The following MMS19 variants were observed in gnomAD, a reference collection of about 807,000 sequenced individuals.
MMS19 encodes MMS19 nucleotide excision repair protein homolog.
A neutral mutation model predicts 129.8 loss-of-function variants in MMS19; 77 were observed. The observed-to-expected ratio is 0.59, with a 90% CI of 0.49 to 0.72. The LOEUF (loss-of-function observed/expected upper bound fraction) is 0.72. Among genes scored for constraint, MMS19 ranks in the 30% least tolerant of loss-of-function variants. MMS19 has a pLI of 0.00. For synonymous variants in MMS19, 491 were observed against 502.8 expected, an observed-to-expected ratio of 0.98 and a Z score of 0.31; for missense variants, 1,168 against 1,266.3, an observed-to-expected ratio of 0.92 and a Z score of 1.18.
Position 97,466,819 on chromosome 10 carries a change from C to T in MMS19, c.1380G>A (p.Gln460=), listed in dbSNP as rs2033592759. The T allele has an allele frequency of 6.2e-7, 1 of 1,614,024 alleles. No individual in the cohort carries two copies. The highest frequency in any genetic ancestry group is 8.5e-7 in the Non-Finnish European group (1 of 1,179,888). The change falls in exon 15 of 31, where the codon CAG becomes CAA. Residue 460 remains glutamine, a synonymous_variant. Coordinates refer to ENST00000438925, the MANE Select transcript of MMS19 (RefSeq NM_022362.5). The part of the protein sequence containing the change: ...MALTDPSTQL[Q]LVGIRTLTVL... ...CTGTCAGTGTACGGATGCCAACAAG[C>T]TGAAGCTGGGTGCTGGGGTCTGTTA...
chr10:97,472,527 A>C (rs946579193), intron 8 of MMS19, among the ~76,000 whole-genome samples: 4 of 152,218 alleles, frequency 2.6e-5, no homozygotes, highest in Non-Finnish European at 5.9e-5. Flanking sequence ...GGCATGAGCC[A>C]CCACGCCCAG....
At chr10:97,491,834 A>G (rs1050321961) in intron 1 of MMS19, among the ~76,000 whole-genome samples, 2 of 152,136 alleles carry the variant, frequency 1.3e-5, no homozygotes, top group Non-Finnish European at 1.5e-5. Flanking sequence ...GAATTAATGC[A>G]GCACAAACAT....
chr10:97,476,827 C>T lies in MMS19; in HGVS notation c.622+8G>A, dbSNP rs182205114. ...TCCAATGAGCTAATCATGGCTACCA[C>T]GATATACCCAGGCTATAGTCCCTGG... is the stretch of plus-strand genomic sequence containing the variant. On this transcript the variant is annotated splice_region_variant and intron_variant, in intron 7 of 30. Coordinates refer to ENST00000438925, the MANE Select transcript of MMS19 (RefSeq NM_022362.5). The T allele has an allele frequency of 4.2e-5, 67 of 1,613,952 alleles. 1 individual carries two copies. The East Asian group carries it at 1.2e-3, about 28-fold the overall frequency.
At chr10:97,484,543 G>A (rs1309733499) in intron 1 of MMS19, among the ~76,000 whole-genome samples, 6 of 151,850 alleles carry the variant, frequency 4.0e-5, no homozygotes, top group Admixed American at 1.3e-4. Context: ...TTATAATAGC[G>A]AAAAAAGAAA....
chr10:97,497,330 C>T (rs1324780906), intron 1 of MMS19, among the ~76,000 whole-genome samples: 2 of 152,156 alleles, frequency 1.3e-5, no homozygotes, highest in Non-Finnish European at 2.9e-5. Flanking sequence ...ATATTTCTAG[C>T]AGATTCACTA....
intron 12 of MMS19, 130 bp downstream of exon 12, chr10:97,468,836 T>C: frequency 1.1e-6 from 1 of 945,162 alleles, no homozygotes; most frequent in Non-Finnish European, 1.5e-6. Context: ...CTTTAACTCC[T>C]GACCTCAGGT....
chr10:97,470,737 G>A (rs2034518228), intron 9 of MMS19, 38 bp downstream of exon 9: 3 of 1,318,422 alleles, frequency 2.3e-6, no homozygotes, highest in Non-Finnish European at 3.3e-6. Flanking sequence ...AGCCATCTAT[G>A]GGCAGAGGCT....
chr10:97,480,491 T>G (rs1444105484), intron 3 of MMS19: 2 of 365,292 alleles, frequency 5.5e-6, no homozygotes, highest in Non-Finnish European at 1.1e-5. Context: ...ATTTCATTAC[T>G]TTTCATCTTT....
At chr10:97,491,621 CGCCTGG>C (rs1295358823) in intron 1 of MMS19, among the ~76,000 whole-genome samples, 3 of 151,830 alleles carry the variant, frequency 2.0e-5, no homozygotes, top group Non-Finnish European at 2.9e-5. Context: ...GCCGAAATCA[CGCCTGG>C]GCGATAGAGC....
At chr10:97,460,884 C>A in intron 24 of MMS19, 23 bp downstream of exon 24, 1 of 1,557,516 alleles carries the variant, frequency 6.4e-7, no homozygotes, top group Non-Finnish European at 8.7e-7. Context: ...TCTGGCTAAC[C>A]AGACTCCACT....
chr10:97,461,681 G>GTACA, intron 22 of MMS19, 59 bp from the exon 23 acceptor site: 1 of 1,573,862 alleles, frequency 6.4e-7, no homozygotes, highest in Non-Finnish European at 8.6e-7. Context: ...AAGAGAACCA[G>GTACA]TACATAGTGG....
At chr10:97,459,563 C>T in intron 27 of MMS19, 37 bp from the exon 28 acceptor site, 5 of 1,606,152 alleles carry the variant, frequency 3.1e-6, no homozygotes, top group Non-Finnish European at 4.3e-6. Context: ...ATGGCCACAT[C>T]ATGAAGATCC....
intron 3 of MMS19, 55 bp downstream of exon 3, chr10:97,480,887 T>C: frequency 1.0e-5 from 13 of 1,272,602 alleles, no homozygotes; most frequent in East Asian, 4.9e-5. Context: ...TGAATAGACA[T>C]GGGAGACCTG....
rs574117856 is a variant in MMS19, at chr10:97,459,382, G to T, written c.2884C>A (p.Leu962Ile). 6.2e-7 allele frequency: 1 copy of T among 1,605,518 alleles called. No homozygotes were observed. Among genetic ancestry groups the T allele is most frequent in the East Asian group, 2.2e-5 (1 of 44,518 alleles). The change falls in exon 28 of 31, where the codon CTC becomes ATC. Residue 962 changes from leucine to isoleucine, a missense_variant. This residue lies in a region of MMS19 where 831 missense variants were observed against 910.8 expected (regional missense o/e 0.91). Coordinates refer to ENST00000438925, the MANE Select transcript of MMS19 (RefSeq NM_022362.5). ...VDTLVTKFLN[L>I]SSSPSMAVRI... ...CGCACCATGGAAGGGCTAGAGCTGA[G>T]GTTCAGAAACTTGGTGACGAGGGTG...
intron 2 of MMS19, 37 bp downstream of exon 2, chr10:97,484,066 G>A: frequency 7.2e-7 from 1 of 1,388,228 alleles, no homozygotes. Context: ...TACACAGTCA[G>A]GGTTGGAGAA....
rs1446326134 is a variant in MMS19, at chr10:97,481,017, G to A, written c.187C>T (p.Arg63Ter). Reference sequence around the variant, plus strand: ...AGCTGGATTGCTCGTGCCCGAGTTCGGGGTTCTGGATTCTCTAGAGAGGAC... The same window carrying A: ...AGCTGGATTGCTCGTGCCCGAGTTCAGGGTTCTGGATTCTCTAGAGAGGAC... ...LGSSLENPEP[R>*]TRARAIQLLS... The change falls in exon 3 of 31, where the codon CGA becomes TGA. Residue 63 changes from arginine (R) to a stop codon, truncating the protein, a stop_gained. Coordinates refer to ENST00000438925, the MANE Select transcript of MMS19 (RefSeq NM_022362.5). LOFTEE classifies it high-confidence loss of function. The A allele has an allele frequency of 4.4e-6, 7 of 1,607,012 alleles. No individual in the cohort carries two copies. The highest frequency in any genetic ancestry group is 6.0e-6 in the Non-Finnish European group (7 of 1,176,022).
In MMS19 at chr10:97,498,344, C is replaced by A; in HGVS notation, c.41G>T (p.Gly14Val). ...AAAVEAAAPM[G>V]ALWGLVHDFV... ...GTCGTGCACGAGGCCCCATAGGGCA[C>A]CCATAGGCGCCGCCGCCTCCACAGC... is the stretch of plus-strand genomic sequence containing the variant. The change falls in exon 1 of 31, where the codon GGT (glycine) becomes GTT (valine). Residue 14 changes from glycine (G) to valine (V), a missense_variant. Coordinates refer to ENST00000438925, the MANE Select transcript of MMS19 (RefSeq NM_022362.5). 1 of 1,571,732 alleles carries A rather than the reference C, an allele frequency of 6.4e-7. No homozygotes were observed. Among genetic ancestry groups the A allele is most frequent in the South Asian group, 1.1e-5 (1 of 87,122 alleles).
chr10:97,464,927 C>G (rs1483240551), intron 18 of MMS19, among the ~76,000 whole-genome samples: 3 of 152,128 alleles, frequency 2.0e-5, no homozygotes, highest in Admixed American at 2.0e-4. Context: ...AGGTCTCAAA[C>G]TCTTGAGCTC....
At position 97,468,972 on chromosome 10, in the gene MMS19, G is replaced by C. The variant is rs779607559; in HGVS notation, c.1057C>G (p.Leu353Val). Reference sequence around the variant, plus strand: ...GCTGCCACGGCCCCATTACCCTGTAGAATGTTGCTAAGGAAGGAGTCAAGG... The same window carrying C: ...GCTGCCACGGCCCCATTACCCTGTACAATGTTGCTAAGGAAGGAGTCAAGG... ...DLLDSFLSNI[L>V]QDCRHHLCEP... Residue 353 changes from leucine to valine, a missense_variant, in exon 12 of 31, where the codon CTA (leucine) becomes GTA (valine). By Grantham distance (32) the Leu-to-Val change is conservative. Coordinates refer to ENST00000438925, the MANE Select transcript of MMS19 (RefSeq NM_022362.5). 6.3e-7 allele frequency: 1 copy of C among 1,588,612 alleles called. No homozygotes were observed. Among genetic ancestry groups the C allele is most frequent in the Non-Finnish European group, 8.6e-7 (1 of 1,167,084 alleles).
Sources: allele counts gnomAD v4.1 joint callset (sites outside exome capture counted in the v4.1 genomes callset), GRCh38; gene constraint gnomAD v4.1.1; regional missense constraint gnomAD v4.1.1; transcripts MANE v1.5; gene names NCBI Gene and HGNC (gene_info 2026-07-23, HGNC 2026-07-21).